Variants in NEO1 observed in about 807,000 individuals in gnomAD.
The protein encoded by NEO1 is neogenin.
Under a neutral mutation model 159.7 loss-of-function variants are expected in NEO1, and 63 were observed. The ratio of observed to expected loss-of-function variants is 0.39; its 90% confidence interval spans 0.32 to 0.49. The LOEUF (loss-of-function observed/expected upper bound fraction) is 0.49. Among genes scored for constraint, NEO1 ranks in the 20% least tolerant of loss-of-function variants. The pLI is 0.85. For missense variants in NEO1, 1,615 were observed against 1,831.0 expected, an observed-to-expected ratio of 0.88 and a Z score of 2.15; for synonymous variants, 633 against 662.0, an observed-to-expected ratio of 0.96 and a Z score of 0.67.
rs1462086064 is a variant in NEO1 at position 73,283,009 on chromosome 15, A to G, written c.3308A>G (p.Asn1103Ser). The G allele has an allele frequency of 7.4e-6, 12 of 1,614,062 alleles. No homozygotes were observed. Among genetic ancestry groups the G allele is most frequent in the African/African-American group, 1.3e-5 (1 of 74,902 alleles). The stretch of plus-strand genomic sequence containing the variant: ...AGCCCCACCTCTCCTCTGGACAGTA[A>G]TATGCTGCTGGTCATAATTGTTTCT... ...HGSPTSPLDS[N>S]MLLVIIVSVG... The change falls in exon 23 of 29, where the codon AAT (asparagine) becomes AGT (serine). Residue 1103 changes from asparagine (N) to serine (S), a missense_variant. By Grantham distance (46) the Asn-to-Ser change is conservative. Transcript: ENST00000261908.
chr15:73,210,230 C>A (rs1372185342), intron 7 of NEO1, among the ~76,000 whole-genome samples: 1 of 152,184 alleles, frequency 6.6e-6, no homozygotes, highest in Non-Finnish European at 1.5e-5. Context: ...TGCCCACTTA[C>A]CAAGAGGACA....
At chr15:73,163,509 T>A (rs1357060214) in intron 5 of NEO1, among the ~76,000 whole-genome samples, 1 of 152,208 alleles carries the variant, frequency 6.6e-6, no homozygotes, top group Non-Finnish European at 1.5e-5. Flanking sequence ...TATTATATCA[T>A]CTAGTTTGCT....
At chr15:73,125,574 A>G (rs1241792073) in intron 3 of NEO1, among the ~76,000 whole-genome samples, 3 of 152,222 alleles carry the variant, frequency 2.0e-5, no homozygotes, top group African/African-American at 4.8e-5. Flanking sequence ...GCATATGGGC[A>G]CAAGAGTCAC....
chr15:73,254,850 G>A (rs1419023218), intron 13 of NEO1, 21 bp downstream of exon 13: 9 of 1,606,752 alleles, frequency 5.6e-6, no homozygotes, highest in Non-Finnish European at 7.6e-6. Flanking sequence ...GTGCACAAAG[G>A]CAAAAGGTAC....
chr15:73,148,818 T>C (rs1286918199), intron 5 of NEO1, among the ~76,000 whole-genome samples: 1 of 152,024 alleles, frequency 6.6e-6, no homozygotes, highest in African/African-American at 2.4e-5. Context: ...CAGAGAAGTC[T>C]CTTAGGTTGA....
At chr15:73,075,539 A>G (rs1409862427) in intron 1 of NEO1, among the ~76,000 whole-genome samples, 1 of 152,150 alleles carries the variant, frequency 6.6e-6, no homozygotes, top group African/African-American at 2.4e-5. Flanking sequence ...TGCTATTCTG[A>G]AAGTGGAAAC....
chr15:73,295,259 G>A (rs926844576), intron 26 of NEO1, among the ~76,000 whole-genome samples: 4 of 151,636 alleles, frequency 2.6e-5, no homozygotes, highest in Non-Finnish European at 5.9e-5. Context: ...GAGAGCCAAA[G>A]TCTGCCTTAC....
intron 15 of NEO1, among the ~76,000 whole-genome samples, chr15:73,265,573 T>C (rs2040845777): frequency 6.6e-6 from 1 of 152,220 alleles, no homozygotes; most frequent in African/African-American, 2.4e-5. Context: ...ATGGTTGCTC[T>C]TGCCCCTTTT....
chr15:73,270,703 C>T (rs1038819297), intron 18 of NEO1, among the ~76,000 whole-genome samples: 1 of 152,216 alleles, frequency 6.6e-6, no homozygotes, highest in Non-Finnish European at 1.5e-5. Context: ...TGCCATTAAT[C>T]CTGCTTTACT....
intron 5 of NEO1, among the ~76,000 whole-genome samples, chr15:73,164,957 CTTGCTAAG>C (rs2034469578): frequency 6.6e-6 from 1 of 152,072 alleles, no homozygotes; most frequent in East Asian, 1.9e-4. Context: ...AGATGGGGGT[CTTGCTAAG>C]TTGCCCAAAT....
At chr15:73,229,048 TG>T (rs1433169438) in intron 7 of NEO1, among the ~76,000 whole-genome samples, 1 of 152,180 alleles carries the variant, frequency 6.6e-6, no homozygotes, top group African/African-American at 2.4e-5. Flanking sequence ...TTTTGATAAT[TG>T]ATTTGGCTAT....
intron 5 of NEO1, among the ~76,000 whole-genome samples, chr15:73,158,582 A>G (rs958681633): frequency 1.3e-5 from 2 of 151,848 alleles, no homozygotes; most frequent in African/African-American, 2.4e-5. Flanking sequence ...AGAGATGGCG[A>G]TCTCACTTTG....
chr15:73,228,222 G>A (rs190828232), intron 7 of NEO1, among the ~76,000 whole-genome samples: 1 of 152,230 alleles, frequency 6.6e-6, no homozygotes, highest in Admixed American at 6.5e-5. Context: ...AGATCTGTAG[G>A]CCACATGTAG....
chr15:73,285,460 C>T (rs1401612866), intron 23 of NEO1, among the ~76,000 whole-genome samples: 2 of 152,202 alleles, frequency 1.3e-5, no homozygotes, highest in African/African-American at 2.4e-5. Context: ...GCACGTCCTA[C>T]AGATTTGGGT....
chr15:73,250,888 ATGT>A (rs1046479015), intron 11 of NEO1, among the ~76,000 whole-genome samples: 1 of 152,172 alleles, frequency 6.6e-6, no homozygotes, highest in Non-Finnish European at 1.5e-5. Context: ...AATATTAGAT[ATGT>A]TATTAGCTAT....
chr15:73,117,905 CTTCT>C (rs1419475923), intron 2 of NEO1, among the ~76,000 whole-genome samples: 1 of 151,306 alleles, frequency 6.6e-6, no homozygotes, highest in East Asian at 1.9e-4. Flanking sequence ...TCCTTGCTTC[CTTCT>C]TTCCTCTTTT....
At chr15:73,125,225 TA>T in intron 3 of NEO1, among the ~76,000 whole-genome samples, 1 of 152,346 alleles carries the variant, frequency 6.6e-6, no homozygotes, top group South Asian at 2.1e-4. Flanking sequence ...TTATCTCCTA[TA>T]GAGTTTTTCA....
chr15:73,109,339 C>A (rs1177653211), intron 1 of NEO1, among the ~76,000 whole-genome samples: 1 of 152,064 alleles, frequency 6.6e-6, no homozygotes, highest in African/African-American at 2.4e-5. Context: ...TGAAAGGAGG[C>A]ATAATTTTTC....
At chr15:73,268,170 A>G (rs2041002668) in intron 16 of NEO1, among the ~76,000 whole-genome samples, 1 of 152,168 alleles carries the variant, frequency 6.6e-6, no homozygotes, top group Non-Finnish European at 1.5e-5. Flanking sequence ...ATATGCTTAC[A>G]GTTTATAATT....
Sources: gnomAD v4.1 joint callset for allele counts (sites outside exome capture counted in the v4.1 genomes callset) on GRCh38, gnomAD v4.1.1 for gene constraint, MANE v1.5 for transcripts, NCBI Gene and HGNC (gene_info 2026-07-23, HGNC 2026-07-21) for gene names.